The following STAG1 variants were observed in gnomAD, a reference collection of about 807,000 sequenced individuals.
The protein encoded by STAG1 is cohesin subunit SA-1.
STAG1 carries 26 observed loss-of-function variants against 170.9 expected under a neutral mutation model. The ratio of observed to expected loss-of-function variants is 0.15; its 90% CI spans 0.11 to 0.21. STAG1 has a LOEUF of 0.21. STAG1 is among the 10% of genes least tolerant of loss of function. The pLI, the probability that STAG1 is intolerant of heterozygous loss-of-function variation, is 1.00. For synonymous variants in STAG1, 514 were observed against 497.7 expected (o/e 1.03, Z -0.44); for missense variants, 964 against 1,509.5 (o/e 0.64, Z 5.99).
At chr3:136,405,676 T>C (rs535213772) in intron 21 of STAG1, among the ~76,000 whole-genome samples, 5 of 150,562 alleles carry the variant, frequency 3.3e-5, no homozygotes, top group Non-Finnish European at 5.9e-5. Context: ...GGCAATGTGG[T>C]GAACCCCGTT....
chr3:136,354,483 T>C (rs1443628892), intron 28 of STAG1, among the ~76,000 whole-genome samples: 1 of 151,570 alleles, frequency 6.6e-6, no homozygotes, highest in South Asian at 2.1e-4. Context: ...TGTATTGTTA[T>C]TAGAGATGGG....
chr3:136,350,138 TC>T (rs1936380828), intron 28 of STAG1, among the ~76,000 whole-genome samples: 1 of 150,622 alleles, frequency 6.6e-6, no homozygotes, highest in Non-Finnish European at 1.5e-5. Flanking sequence ...GAGACTCCAT[TC>T]AAAAAAAAAA....
At chr3:136,681,650 C>G (rs1195348401) in intron 1 of STAG1, among the ~76,000 whole-genome samples, 1 of 152,252 alleles carries the variant, frequency 6.6e-6, no homozygotes, top group East Asian at 1.9e-4. Flanking sequence ...AAACAAAACA[C>G]TAGCAAACTG....
At chr3:136,698,563 AACC>A (rs1361022021) in intron 1 of STAG1, among the ~76,000 whole-genome samples, 5 of 152,222 alleles carry the variant, frequency 3.3e-5, no homozygotes, top group Non-Finnish European at 7.3e-5. Context: ...AAACTACTAC[AACC>A]ACTACGGAAA....
At chr3:136,704,177 A>G (rs1016595437) in intron 1 of STAG1, among the ~76,000 whole-genome samples, 1 of 151,240 alleles carries the variant, frequency 6.6e-6, no homozygotes, top group Non-Finnish European at 1.5e-5. Flanking sequence ...CAGCCTCCCA[A>G]GTAGCTGCGA....
At chr3:136,636,319 T>C (rs565972450) in intron 1 of STAG1, among the ~76,000 whole-genome samples, 1 of 152,030 alleles carries the variant, frequency 6.6e-6, no homozygotes, top group African/African-American at 2.4e-5. Context: ...CAGGTGGTGG[T>C]AGTGGGGTGC....
intron 1 of STAG1, among the ~76,000 whole-genome samples, chr3:136,721,689 C>T (rs1933278878): frequency 6.6e-6 from 1 of 151,750 alleles, no homozygotes; most frequent in Admixed American, 6.6e-5. Flanking sequence ...GGAGATGAGG[C>T]CGAAGTGGGT....
At chr3:136,604,279 T>TATAAACG (rs773096889) in intron 4 of STAG1, 30 bp downstream of exon 4, 1 of 1,595,802 alleles carries the variant, frequency 6.3e-7, no homozygotes, top group African/African-American at 1.3e-5. Flanking sequence ...CTGTATTGCT[T>TATAAACG]TATACGTGAA....
intron 13 of STAG1, among the ~76,000 whole-genome samples, chr3:136,453,710 T>TAAAC (rs2089016210): frequency 6.6e-6 from 1 of 150,782 alleles, no homozygotes; most frequent in Admixed American, 6.6e-5. Flanking sequence ...CTTTAGTGAA[T>TAAAC]AAACGGTAGA....
chr3:136,667,099 G>A (rs1347165514), intron 1 of STAG1, among the ~76,000 whole-genome samples: 1 of 152,022 alleles, frequency 6.6e-6, no homozygotes, highest in Non-Finnish European at 1.5e-5. Context: ...TCAATAGGCG[G>A]TCTAAATAAT....
chr3:136,567,221 G>A (rs1937112515), intron 5 of STAG1, among the ~76,000 whole-genome samples: 1 of 152,210 alleles, frequency 6.6e-6, no homozygotes, highest in Non-Finnish European at 1.5e-5. Flanking sequence ...CAACAGGTCT[G>A]TTGATTAATA....
intron 1 of STAG1, among the ~76,000 whole-genome samples, chr3:136,722,722 C>T (rs1275457686): frequency 1.3e-5 from 2 of 150,574 alleles, no homozygotes; most frequent in Non-Finnish European, 3.0e-5. Flanking sequence ...TCTCTTTCCA[C>T]GGTCTCCCAC....
At chr3:136,395,409 G>A (rs988909376) in intron 22 of STAG1, among the ~76,000 whole-genome samples, 2 of 152,148 alleles carry the variant, frequency 1.3e-5, no homozygotes, top group Non-Finnish European at 2.9e-5. Context: ...GATCACTTGA[G>A]GTCAGGAGTC....
chr3:136,548,656 T>C (rs1936260334), intron 5 of STAG1, among the ~76,000 whole-genome samples: 5 of 152,226 alleles, frequency 3.3e-5, no homozygotes, highest in Admixed American at 3.3e-4. Flanking sequence ...TTCCAATTCA[T>C]GGATGTCTTT....
chr3:136,555,081 ACACT>A (rs1032354143), intron 5 of STAG1, among the ~76,000 whole-genome samples: 15 of 148,472 alleles, frequency 1.0e-4, no homozygotes, highest in African/African-American at 2.7e-4. Context: ...GCACACACAC[ACACT>A]ATTTATATAT....
chr3:136,542,727 A>G (rs1184988735), intron 5 of STAG1, among the ~76,000 whole-genome samples: 6 of 152,080 alleles, frequency 3.9e-5, no homozygotes, highest in Non-Finnish European at 8.8e-5. Flanking sequence ...GATGAAATAA[A>G]TAAAAAGGTG....
intron 22 of STAG1, among the ~76,000 whole-genome samples, chr3:136,393,072 A>G (rs908097703): frequency 5.9e-5 from 9 of 152,272 alleles, no homozygotes; most frequent in African/African-American, 2.2e-4. Flanking sequence ...TTGCTCCCTC[A>G]CTGTCTAAAT....
At chr3:136,640,187 T>C (rs888267223) in intron 1 of STAG1, among the ~76,000 whole-genome samples, 7 of 152,186 alleles carry the variant, frequency 4.6e-5, no homozygotes, top group Non-Finnish European at 7.3e-5. Flanking sequence ...AAATAAAAGA[T>C]AACAAGTTGT....
intron 4 of STAG1, among the ~76,000 whole-genome samples, chr3:136,597,029 C>G (rs758637725): frequency 1.3e-5 from 2 of 152,084 alleles, no homozygotes; most frequent in Non-Finnish European, 2.9e-5. Flanking sequence ...GTGCTGGGAC[C>G]ATGTCACTGG....
Sources: gnomAD v4.1 joint callset for allele counts (sites outside exome capture counted in the v4.1 genomes callset) on GRCh38, gnomAD v4.1.1 for gene constraint, MANE v1.5 for transcripts, NCBI Gene and HGNC (gene_info 2026-07-23, HGNC 2026-07-21) for gene names.